The following ANK2 variants were observed in gnomAD, a reference collection of about 807,000 sequenced individuals.
ANK2 encodes ankyrin 2.
A neutral mutation model predicts 360.5 loss-of-function variants in ANK2; 83 were observed. The ratio of observed to expected loss-of-function variants is 0.23; its 90% CI spans 0.19 to 0.28. The LOEUF is 0.28. Among genes scored for constraint, ANK2 ranks in the 10% least tolerant of loss-of-function variants. The probability of loss-of-function intolerance (pLI) is 1.00; values close to 1 mark genes in which losing one functional copy is unlikely to be tolerated. For synonymous variants in ANK2, 1,740 were observed against 1,759.5 expected, an observed-to-expected ratio of 0.99 and a Z score of 0.28; for missense variants, 4,201 against 4,795.7, an observed-to-expected ratio of 0.88 and a Z score of 3.66.
At chr4:113,182,568 G>A (rs978019597) in intron 2 of ANK2, among the ~76,000 whole-genome samples, 3 of 151,598 alleles carry the variant, frequency 2.0e-5, no homozygotes, top group Non-Finnish European at 2.9e-5. Flanking sequence ...AGAGTGTCCA[G>A]GGATGTAGGA....
At chr4:113,151,561 A>C (rs1360348747) in intron 1 of ANK2, among the ~76,000 whole-genome samples, 1 of 152,198 alleles carries the variant, frequency 6.6e-6, no homozygotes, top group African/African-American at 2.4e-5. Flanking sequence ...GTCCACCCTC[A>C]TGATCTAAAC....
At chr4:113,301,850 T>C (rs1332023832) in intron 22 of ANK2, among the ~76,000 whole-genome samples, 3 of 152,224 alleles carry the variant, frequency 2.0e-5, no homozygotes, top group African/African-American at 4.8e-5. Context: ...CAAGAATGAT[T>C]ATAAAAAGTC....
At chr4:113,363,254 C>T in intron 39 of ANK2, 84 bp from the exon 40 acceptor site, 3 of 1,369,740 alleles carry the variant, frequency 2.2e-6, no homozygotes, top group Non-Finnish European at 2.0e-6. Flanking sequence ...ATAAAGAACA[C>T]ATCATTTACA....
rs111463299 is a variant in ANK2 at position 113,167,592 on chromosome 4, G to T, written c.85-6824G>T. Among the ~76,000 whole-genome samples the T allele has an allele frequency of 2.0e-5, 3 of 152,106 alleles. 1 individual carries two copies. The South Asian group carries it at 6.2e-4, about 32-fold the overall frequency. On this transcript the variant is annotated intron_variant, in intron 1 of 45. Coordinates refer to ENST00000357077, the MANE Select transcript of ANK2 (RefSeq NM_001148.6). The stretch of plus-strand genomic sequence containing the variant: ...GGGGATTACAGGTGTGAGCCACTGC[G>T]CCCGGCCAGGTCACCATCTTTTAAA...
the ANK2 span, among the ~76,000 whole-genome samples, chr4:112,736,447 A>G: frequency 6.8e-6 from 1 of 146,788 alleles, no homozygotes; most frequent in South Asian, 2.2e-4. Context: ...CCTGGACAAC[A>G]GAGCAAGACT....
At chr4:113,163,464 A>T (rs983829736) in intron 1 of ANK2, among the ~76,000 whole-genome samples, 16 of 151,414 alleles carry the variant, frequency 1.1e-4, no homozygotes, top group Non-Finnish European at 1.8e-4. Flanking sequence ...CTTTTTTTTT[A>T]AATTAAAAAC....
intron 2 of ANK2, among the ~76,000 whole-genome samples, chr4:112,935,215 G>C (rs2093632012): frequency 6.6e-6 from 1 of 152,104 alleles, no homozygotes; most frequent in South Asian, 2.1e-4. Context: ...GTGAGATAGG[G>C]TGCCACAGGA....
At chr4:113,300,520 C>A (rs967078242) in intron 22 of ANK2, among the ~76,000 whole-genome samples, 2 of 152,150 alleles carry the variant, frequency 1.3e-5, no homozygotes, top group Admixed American at 1.3e-4. Context: ...GGCAGATAAG[C>A]AGAGAGGGCA....
At chr4:112,982,088 G>C (rs2043276691) in intron 2 of ANK2, among the ~76,000 whole-genome samples, 1 of 152,058 alleles carries the variant, frequency 6.6e-6, no homozygotes, top group African/African-American at 2.4e-5. Context: ...AAAAGCTTCA[G>C]CAAACTCAGC....
chr4:113,054,802 A>G (rs956597301), intron 1 of ANK2, among the ~76,000 whole-genome samples: 6 of 152,182 alleles, frequency 3.9e-5, no homozygotes, highest in African/African-American at 1.2e-4. Context: ...AAAGAAAAAT[A>G]CCTTATAACC....
chr4:112,771,741 G>A, the ANK2 span, among the ~76,000 whole-genome samples: 6 of 152,008 alleles, frequency 3.9e-5, no homozygotes, highest in Non-Finnish European at 7.4e-5. Context: ...GCCCGCCACC[G>A]TGCCCGGCTC....
intron 1 of ANK2, among the ~76,000 whole-genome samples, chr4:113,086,685 G>A (rs2084962113): frequency 6.6e-6 from 1 of 152,214 alleles, no homozygotes; most frequent in Non-Finnish European, 1.5e-5. Flanking sequence ...AGCACAGAAA[G>A]GGACAGAGAG....
chr4:113,333,834 A>G (rs2093015789), intron 29 of ANK2, among the ~76,000 whole-genome samples: 1 of 152,216 alleles, frequency 6.6e-6, no homozygotes, highest in Non-Finnish European at 1.5e-5. Context: ...TTAGTTTTCC[A>G]TTAGAACTTC....
the ANK2 span, among the ~76,000 whole-genome samples, chr4:112,774,342 C>T: frequency 2.6e-5 from 4 of 151,944 alleles, no homozygotes; most frequent in African/African-American, 4.8e-5. Flanking sequence ...CTGGCTAACA[C>T]GGTGAAACCC....
At chr4:113,071,525 C>T (rs1041942019) in intron 1 of ANK2, among the ~76,000 whole-genome samples, 2 of 152,164 alleles carry the variant, frequency 1.3e-5, no homozygotes, top group African/African-American at 2.4e-5. Flanking sequence ...TCAAATCCAC[C>T]TTCTCCTTAA....
At chr4:112,906,668 G>T (rs759068072) in intron 2 of ANK2, among the ~76,000 whole-genome samples, 1 of 152,140 alleles carries the variant, frequency 6.6e-6, no homozygotes, top group South Asian at 2.1e-4. Flanking sequence ...TGTAGATTTG[G>T]TAGGGAAAAT....
At chr4:113,065,485 G>T (rs1019349138) in intron 1 of ANK2, among the ~76,000 whole-genome samples, 42 of 152,300 alleles carry the variant, frequency 2.8e-4, no homozygotes, top group African/African-American at 9.9e-4. Context: ...AGTTCTAACT[G>T]TCTTATTCCA....
chr4:113,252,892 G>T (rs2153613883), intron 10 of ANK2, among the ~76,000 whole-genome samples: 1 of 152,296 alleles, frequency 6.6e-6, no homozygotes, highest in Non-Finnish European at 1.5e-5. Context: ...CTAACCTCAA[G>T]TCAGCTGGTA....
At chr4:112,788,588 C>A in the ANK2 span, 10 of 1,587,786 alleles carry the variant, frequency 6.3e-6, no homozygotes, top group East Asian at 1.8e-4. Flanking sequence ...TGTGGGCCAG[C>A]TTAAGCAGCT....
Sources: gnomAD v4.1 joint callset for allele counts (sites outside exome capture counted in the v4.1 genomes callset) on GRCh38, gnomAD v4.1.1 for gene constraint, MANE v1.5 for transcripts, NCBI Gene and HGNC (gene_info 2026-07-23, HGNC 2026-07-21) for gene names.